Variants in TAFA1 observed in about 807,000 individuals in gnomAD.
TAFA1 encodes chemokine-like protein TAFA-1.
A neutral mutation model predicts 18.5 loss-of-function variants in TAFA1; 4 were observed. The ratio of observed to expected loss-of-function variants is 0.22; its 90% CI spans 0.11 to 0.49. The LOEUF (loss-of-function observed/expected upper bound fraction) is 0.49. Ranked by LOEUF, TAFA1 falls within the 20% of genes least tolerant of loss-of-function variation. The probability of loss-of-function intolerance (pLI) is 0.98; values close to 1 mark genes in which losing one functional copy is unlikely to be tolerated. For missense variants in TAFA1, 147 were observed against 169.0 expected (o/e 0.87, Z 0.72); for synonymous variants, 56 against 55.2 (o/e 1.01, Z -0.06).
chr3:68,258,326 C>G (rs530365502), intron 2 of TAFA1, among the ~76,000 whole-genome samples: 1 of 152,080 alleles, frequency 6.6e-6, no homozygotes, highest in East Asian at 1.9e-4. Context: ...CAGGGCTGAC[C>G]TTTAGTCAGC....
At chr3:68,334,122 G>A (rs1306491031) in intron 2 of TAFA1, among the ~76,000 whole-genome samples, 2 of 152,154 alleles carry the variant, frequency 1.3e-5, no homozygotes, top group Non-Finnish European at 2.9e-5. Flanking sequence ...TTTGAAATTT[G>A]CCAAGAGAGT....
intron 2 of TAFA1, among the ~76,000 whole-genome samples, chr3:68,120,484 A>G (rs1391692435): frequency 2.0e-5 from 3 of 152,002 alleles, no homozygotes; most frequent in Non-Finnish European, 4.4e-5. Context: ...CCTGATCTCA[A>G]GTGATCCACC....
intron 2 of TAFA1, among the ~76,000 whole-genome samples, chr3:68,046,799 A>G (rs943752443): frequency 6.6e-6 from 1 of 152,184 alleles, no homozygotes; most frequent in African/African-American, 2.4e-5. Flanking sequence ...GCCTCCAGTC[A>G]TCCCCAGAGA....
At chr3:68,005,369 T>C (rs1406938966) in intron 1 of TAFA1, among the ~76,000 whole-genome samples, 1 of 152,240 alleles carries the variant, frequency 6.6e-6, no homozygotes, top group African/African-American at 2.4e-5. Context: ...GAAAATAATG[T>C]TTTCCTGCTT....
chr3:68,039,187 A>C (rs1705113708), intron 2 of TAFA1, among the ~76,000 whole-genome samples: 1 of 152,164 alleles, frequency 6.6e-6, no homozygotes, highest in Non-Finnish European at 1.5e-5. Flanking sequence ...AGCATAATTC[A>C]TTTGCTTAAT....
chr3:68,342,588 T>C (rs1295827372), intron 2 of TAFA1, among the ~76,000 whole-genome samples: 2 of 152,230 alleles, frequency 1.3e-5, no homozygotes, highest in Non-Finnish European at 2.9e-5. Flanking sequence ...AAAGTAATTT[T>C]CGAGCTGAAT....
At chr3:68,072,439 T>C (rs1187192050) in intron 2 of TAFA1, among the ~76,000 whole-genome samples, 1 of 152,134 alleles carries the variant, frequency 6.6e-6, no homozygotes, top group Admixed American at 6.5e-5. Flanking sequence ...TTTTAGTTGT[T>C]TCCAGGGTAG....
chr3:68,135,186 C>T (rs1403825860), intron 2 of TAFA1, among the ~76,000 whole-genome samples: 3 of 152,162 alleles, frequency 2.0e-5, no homozygotes, highest in African/African-American at 7.2e-5. Context: ...ACTGGCCACA[C>T]ATATCTGTCA....
chr3:68,408,651 T>C (rs1447906239), intron 2 of TAFA1, among the ~76,000 whole-genome samples: 2 of 152,108 alleles, frequency 1.3e-5, no homozygotes, highest in Non-Finnish European at 2.9e-5. Context: ...CCTTTCATTA[T>C]TCAGTCATTT....
chr3:68,166,824 T>C (rs2065986948), intron 2 of TAFA1, among the ~76,000 whole-genome samples: 1 of 152,042 alleles, frequency 6.6e-6, no homozygotes, highest in Admixed American at 6.5e-5. Flanking sequence ...CATTTGTGAG[T>C]CCTGAAATCC....
intron 3 of TAFA1, among the ~76,000 whole-genome samples, chr3:68,426,459 G>T (rs192815368): frequency 6.6e-6 from 1 of 151,692 alleles, no homozygotes; most frequent in East Asian, 1.9e-4. Flanking sequence ...TTTAGCGCAG[G>T]GAAATAAGTA....
chr3:68,508,303 A>G (rs1417404880), intron 3 of TAFA1, among the ~76,000 whole-genome samples: 1 of 151,940 alleles, frequency 6.6e-6, no homozygotes. Flanking sequence ...GGGCTTTCAC[A>G]TGTGAATTTC....
At chr3:68,309,404 TA>T (rs1305943261) in intron 2 of TAFA1, among the ~76,000 whole-genome samples, 1 of 152,242 alleles carries the variant, frequency 6.6e-6, no homozygotes, top group Non-Finnish European at 1.5e-5. Flanking sequence ...CAAGGTATTA[TA>T]CCTCTTACCT....
At chr3:68,040,683 A>ATTCC (rs754386341) in intron 2 of TAFA1, among the ~76,000 whole-genome samples, 3 of 152,012 alleles carry the variant, frequency 2.0e-5, no homozygotes, top group African/African-American at 4.8e-5. Flanking sequence ...CACATTCCTG[A>ATTCC]TTCCTTCCTT....
At chr3:68,240,028 T>C (rs568002336) in intron 2 of TAFA1, among the ~76,000 whole-genome samples, 12 of 152,212 alleles carry the variant, frequency 7.9e-5, no homozygotes, top group Admixed American at 2.0e-4. Context: ...GGCAATAGAG[T>C]ATTACAGAGG....
chr3:68,435,581 G>A (rs2071254540), intron 3 of TAFA1, among the ~76,000 whole-genome samples: 1 of 152,170 alleles, frequency 6.6e-6, no homozygotes, highest in Non-Finnish European at 1.5e-5. Context: ...ATGTCAGAAA[G>A]GAAACAGGTC....
intron 2 of TAFA1, among the ~76,000 whole-genome samples, chr3:68,405,060 T>C (rs989465419): frequency 2.6e-5 from 4 of 152,126 alleles, no homozygotes; most frequent in Non-Finnish European, 1.5e-5. Flanking sequence ...TATCATAAAA[T>C]AGTTATGGTT....
chr3:68,378,034 G>A (rs2069852859), intron 2 of TAFA1, among the ~76,000 whole-genome samples: 1 of 152,202 alleles, frequency 6.6e-6, no homozygotes, highest in African/African-American at 2.4e-5. Flanking sequence ...TGCTTCAAGG[G>A]CAGGGCCCTC....
chr3:68,043,930 AAAAG>A (rs1365384822), intron 2 of TAFA1, among the ~76,000 whole-genome samples: 4 of 152,204 alleles, frequency 2.6e-5, no homozygotes, highest in Non-Finnish European at 5.9e-5. Flanking sequence ...GTAAAAAATA[AAAAG>A]AAAGAAAAAT....
Sources: gnomAD v4.1 joint callset for allele counts (sites outside exome capture counted in the v4.1 genomes callset) on GRCh38, gnomAD v4.1.1 for gene constraint, MANE v1.5 for transcripts, NCBI Gene and HGNC (gene_info 2026-07-23, HGNC 2026-07-21) for gene names.